The following COPG2 variants were observed in gnomAD, a reference collection of about 807,000 sequenced individuals.
COPG2 encodes the protein coatomer subunit gamma-2.
Under a neutral mutation model 46.3 loss-of-function variants are expected in COPG2, and 37 were observed. That is an observed-to-expected ratio of 0.80 (90% CI 0.61 to 1.05). The LOEUF is 1.05. COPG2 is among the 50% of genes least tolerant of loss of function. COPG2 has a pLI of 0.00. For missense variants in COPG2, 427 were observed against 387.8 expected, an observed-to-expected ratio of 1.10 and a Z score of -0.85; for synonymous variants, 159 against 129.7, an observed-to-expected ratio of 1.23 and a Z score of -1.53.
At chr7:130,565,103 T>A (rs1198825312) in intron 9 of COPG2, among the ~76,000 whole-genome samples, 1 of 152,228 alleles carries the variant, frequency 6.6e-6, no homozygotes, top group Non-Finnish European at 1.5e-5. Flanking sequence ...CAGAAGGTCA[T>A]GTGCATGTGC....
In COPG2 at chr7:130,579,345, G is replaced by A. The variant is rs1310212424; in HGVS notation, c.738-14952C>T. On this transcript the variant is annotated intron_variant, in intron 9 of 23. Coordinates refer to ENST00000425248, the MANE Select transcript of COPG2 (RefSeq NM_012133.6). ...GCCTGCCCTAAAAGAGCTCCTGAAG[G>A]AAGCGCTAAACATGGAAAGGAACAA... Among the ~76,000 whole-genome samples the A allele has an allele frequency of 2.4e-4, 35 of 148,724 alleles. 1 individual carries two copies. In the South Asian group the frequency reaches 7.8e-3, roughly 33 times the overall value.
chr7:130,633,079 C>A (rs991383128), intron 5 of COPG2, among the ~76,000 whole-genome samples: 14 of 152,068 alleles, frequency 9.2e-5, no homozygotes, highest in Non-Finnish European at 2.1e-4. Context: ...TGAACTCATC[C>A]TTTTTTATGG....
intron 20 of COPG2, chr7:130,508,904 T>C (rs960712565): frequency 7.3e-6 from 4 of 546,162 alleles, no homozygotes; most frequent in Middle Eastern, 2.8e-4. Context: ...ATGGGCAGAC[T>C]GTTTCTCTAT....
chr7:130,568,100 C>A (rs1793833155), intron 9 of COPG2, among the ~76,000 whole-genome samples: 1 of 152,018 alleles, frequency 6.6e-6, no homozygotes, highest in African/African-American at 2.4e-5. Flanking sequence ...AACATGGTGA[C>A]CCTGTCTCTA....
At chr7:130,557,035 CAAAG>C (rs1793638022) in intron 12 of COPG2, among the ~76,000 whole-genome samples, 1 of 151,962 alleles carries the variant, frequency 6.6e-6, no homozygotes, top group African/African-American at 2.4e-5. Flanking sequence ...TAAGGGAAAA[CAAAG>C]AAACAAGAAT....
chr7:130,667,675 C>A (rs1362594511), intron 1 of COPG2, 141 bp from the exon 2 acceptor site: 3 of 543,230 alleles, frequency 5.5e-6, no homozygotes, highest in Non-Finnish European at 9.5e-6. Flanking sequence ...CGCATACGAA[C>A]TGAATGAAAT....
intron 5 of COPG2, among the ~76,000 whole-genome samples, chr7:130,636,140 G>A (rs1482286147): frequency 6.6e-6 from 1 of 152,128 alleles, no homozygotes; most frequent in Non-Finnish European, 1.5e-5. Flanking sequence ...GACAATTTTA[G>A]AATATGTCCA....
At chr7:130,615,963 T>C (rs1243002411) in intron 6 of COPG2, among the ~76,000 whole-genome samples, 2 of 152,184 alleles carry the variant, frequency 1.3e-5, no homozygotes, top group African/African-American at 4.8e-5. Context: ...CTTTTAAGGA[T>C]AGACAAAAAG....
chr7:130,547,611 T>C (rs1257183866), intron 20 of COPG2, 63 bp downstream of exon 20: 10 of 398,228 alleles, frequency 2.5e-5, no homozygotes, highest in African/African-American at 8.2e-5. Context: ...ATTTGAAGAG[T>C]TGAAGAGCTC....
At chr7:130,535,010 G>C (rs1304830029) in intron 20 of COPG2, among the ~76,000 whole-genome samples, 2 of 152,196 alleles carry the variant, frequency 1.3e-5, no homozygotes, top group Non-Finnish European at 2.9e-5. Context: ...GCGCTGGCCT[G>C]AATCAGTGGA....
chr7:130,576,178 C>T (rs1158128859), intron 9 of COPG2, among the ~76,000 whole-genome samples: 5 of 152,160 alleles, frequency 3.3e-5, no homozygotes, highest in African/African-American at 4.8e-5. Flanking sequence ...AGAAAGTCAA[C>T]AAAGAAATAA....
chr7:130,624,415 T>C (rs1168608862), intron 5 of COPG2, among the ~76,000 whole-genome samples: 1 of 152,160 alleles, frequency 6.6e-6, no homozygotes, highest in Non-Finnish European at 1.5e-5. Context: ...ACTATTGATT[T>C]TTTTTACTTT....
chr7:130,509,232 T>G (rs782556353), intron 20 of COPG2: 3 of 501,308 alleles, frequency 6.0e-6, no homozygotes, highest in Non-Finnish European at 1.2e-5. Flanking sequence ...ATTGGTAAAG[T>G]CAGTGTCTTA....
intron 1 of COPG2, among the ~76,000 whole-genome samples, chr7:130,667,816 CACA>C (rs60717771): frequency 0.027 from 4,151 of 152,216 alleles, 186 homozygotes; most frequent in African/African-American, 0.095. Flanking sequence ...GTGTCATTTC[CACA>C]ACAACGAAGA....
intron 17 of COPG2, among the ~76,000 whole-genome samples, chr7:130,549,618 C>G (rs1793504161): frequency 6.6e-6 from 1 of 152,048 alleles, no homozygotes; most frequent in Non-Finnish European, 1.5e-5. Context: ...TTTAAATGGA[C>G]TGGAATGTAC....
intron 9 of COPG2, among the ~76,000 whole-genome samples, chr7:130,577,984 G>A (rs1794044986): frequency 6.6e-6 from 1 of 152,222 alleles, no homozygotes; most frequent in African/African-American, 2.4e-5. Flanking sequence ...CTCCAACTGG[G>A]TGGAGCCCAC....
In COPG2 at chr7:130,595,999, C is replaced by T. The variant is rs1584990969; in HGVS notation, c.737+14954G>A. ...CTCAGCCGTAGTGCCTCTGCTTCCT[C>T]CAGCTGGAAAACGCAGTTCGCCCTG... On this transcript the variant is annotated intron_variant, in intron 9 of 23. Transcript: ENST00000425248. Among the ~76,000 whole-genome samples, 8 of 152,330 alleles carry T rather than the reference C, an allele frequency of 5.3e-5. No homozygotes were observed. The South Asian group carries it at 1.7e-3, about 32-fold the overall frequency.
chr7:130,668,383 G>T (rs1312660234), intron 1 of COPG2, among the ~76,000 whole-genome samples: 1 of 149,618 alleles, frequency 6.7e-6, no homozygotes, highest in Non-Finnish European at 1.5e-5. Flanking sequence ...CGCAAGAGGG[G>T]CGGGAACGGG....
chr7:130,595,943 C>T (rs1794519688), intron 9 of COPG2, among the ~76,000 whole-genome samples: 1 of 152,228 alleles, frequency 6.6e-6, no homozygotes, highest in South Asian at 2.1e-4. Context: ...GTTACTGCTA[C>T]TTTCTTCCTT....
Sources: gnomAD v4.1 joint callset for allele counts (sites outside exome capture counted in the v4.1 genomes callset) on GRCh38, gnomAD v4.1.1 for gene constraint, MANE v1.5 for transcripts, NCBI Gene and HGNC (gene_info 2026-07-23, HGNC 2026-07-21) for gene names.